CADPS: variants seen among roughly 807,000 people sequenced by gnomAD.
CADPS encodes the protein calcium-dependent secretion activator 1.
In CADPS, 57 loss-of-function variants were observed where a neutral mutation model predicts 167.3. The ratio of observed to expected loss-of-function variants is 0.34; its 90% CI spans 0.28 to 0.42. CADPS has a LOEUF of 0.42. CADPS is among the 20% of genes least tolerant of loss of function. The probability of loss-of-function intolerance (pLI) is 1.00; values close to 1 mark genes in which losing one functional copy is unlikely to be tolerated. For synonymous variants in CADPS, 676 were observed against 635.3 expected (o/e 1.06, Z -0.96); for missense variants, 1,414 against 1,738.1 (o/e 0.81, Z 3.32).
chr3:62,530,519 C>T (rs2073403227), intron 13 of CADPS: 1 of 457,306 alleles, frequency 2.2e-6, no homozygotes, highest in Non-Finnish European at 3.1e-6. Context: ...TTTAAAATTG[C>T]ACCTTTGAAA....
At chr3:62,740,728 A>C (rs1038328839) in intron 3 of CADPS, among the ~76,000 whole-genome samples, 1 of 152,092 alleles carries the variant, frequency 6.6e-6, no homozygotes, top group African/African-American at 2.4e-5. Context: ...CATGCCACTA[A>C]CTACCATCAC....
chr3:62,437,502 C>G (rs998195223), intron 28 of CADPS, among the ~76,000 whole-genome samples: 4 of 152,052 alleles, frequency 2.6e-5, no homozygotes, highest in African/African-American at 9.7e-5. Flanking sequence ...TCTTTGTACA[C>G]CTGTTTCTCA....
rs1560040443 is a variant in CADPS at position 62,873,616 on chromosome 3, C to CTTT, written c.441+972_441+973insAAA. Reference sequence around the variant, plus strand: ...AAAGAACAGCTGATAGAAATAGGCGCCTTTTTTTTTTTTTTTTTAACATCA... The same window carrying CTTT: ...AAAGAACAGCTGATAGAAATAGGCGCTTTCTTTTTTTTTTTTTTTTTAACATCA... On this transcript the variant is annotated intron_variant, in intron 1 of 29. Transcript: ENST00000383710. Among the ~76,000 whole-genome samples, 8 of 82,590 alleles carry CTTT rather than the reference C, an allele frequency of 9.7e-5. No homozygotes were observed. The East Asian group carries it at 1.9e-3, about 20-fold the overall frequency. 54.2% of individuals were successfully genotyped at this position (82,590 alleles called of 152,430 possible). A position where few individuals can be genotyped will look rare whatever the true frequency, so the allele number is the denominator to read the frequency against.
intron 6 of CADPS, among the ~76,000 whole-genome samples, chr3:62,642,156 A>T (rs972822667): frequency 1.3e-5 from 2 of 151,546 alleles, no homozygotes; most frequent in African/African-American, 4.8e-5. Context: ...GACATGTGCT[A>T]TGGCACAATG....
intron 9 of CADPS, among the ~76,000 whole-genome samples, chr3:62,566,316 G>C (rs833658): frequency 0.86 from 130,728 of 152,226 alleles, 57,004 homozygotes; most frequent in East Asian, 0.97. Context: ...CAAAGTAAGG[G>C]TTTGGTGGCT....
At chr3:62,666,509 G>A (rs897363065) in intron 3 of CADPS, among the ~76,000 whole-genome samples, 7 of 152,148 alleles carry the variant, frequency 4.6e-5, no homozygotes, top group Admixed American at 3.9e-4. Flanking sequence ...ACCAAGCCAA[G>A]GGCAAGCCTT....
At chr3:62,656,317 A>G (rs2071563116) in intron 4 of CADPS, among the ~76,000 whole-genome samples, 1 of 152,140 alleles carries the variant, frequency 6.6e-6, no homozygotes, top group Non-Finnish European at 1.5e-5. Context: ...GCTGGACACT[A>G]GGTGAAAACT....
At chr3:62,817,731 C>G (rs2094692985) in intron 1 of CADPS, among the ~76,000 whole-genome samples, 1 of 152,074 alleles carries the variant, frequency 6.6e-6, no homozygotes, top group Non-Finnish European at 1.5e-5. Flanking sequence ...AAGAAATTAC[C>G]TAGTAGAAAG....
chr3:62,711,937 C>T (rs1231902751), intron 3 of CADPS, among the ~76,000 whole-genome samples: 1 of 152,094 alleles, frequency 6.6e-6, no homozygotes, highest in Non-Finnish European at 1.5e-5. Context: ...CCTTCTAAAA[C>T]ATCTAGAAAT....
At chr3:62,777,006 G>A (rs2090466004) in intron 1 of CADPS, among the ~76,000 whole-genome samples, 1 of 152,122 alleles carries the variant, frequency 6.6e-6, no homozygotes, top group African/African-American at 2.4e-5. Flanking sequence ...CAAGGATTAG[G>A]GGCGGCTGTG....
chr3:62,736,211 T>C (rs1429501062), intron 3 of CADPS, among the ~76,000 whole-genome samples: 3 of 152,210 alleles, frequency 2.0e-5, no homozygotes, highest in Non-Finnish European at 2.9e-5. Context: ...CTTGCTTTGT[T>C]GTAGAGCTGT....
intron 3 of CADPS, among the ~76,000 whole-genome samples, chr3:62,667,157 T>C (rs1226033668): frequency 6.6e-6 from 1 of 151,980 alleles, no homozygotes; most frequent in Non-Finnish European, 1.5e-5. Flanking sequence ...TGGCATGTTA[T>C]GAGGATTAAG....
intron 3 of CADPS, among the ~76,000 whole-genome samples, chr3:62,748,326 A>G (rs1486369188): frequency 8.4e-6 from 1 of 119,384 alleles, no homozygotes; most frequent in African/African-American, 3.2e-5. Flanking sequence ...AGCCTGGGCG[A>G]GAAGCGAGAC....
intron 1 of CADPS, among the ~76,000 whole-genome samples, chr3:62,781,221 T>A (rs1022753858): frequency 6.6e-6 from 1 of 152,134 alleles, no homozygotes; most frequent in Non-Finnish European, 1.5e-5. Flanking sequence ...CTCTCAGGAA[T>A]GTTTGCTACC....
intron 28 of CADPS, among the ~76,000 whole-genome samples, chr3:62,405,904 A>T (rs950628435): frequency 6.6e-6 from 1 of 152,160 alleles, no homozygotes. Flanking sequence ...TGTCGGAAAA[A>T]ACAGGAGGCA....
chr3:62,775,807 T>C (rs1004506944), intron 1 of CADPS, among the ~76,000 whole-genome samples: 4 of 152,208 alleles, frequency 2.6e-5, no homozygotes, highest in Non-Finnish European at 5.9e-5. Flanking sequence ...TTTCACTGTA[T>C]AGAATATTAA....
chr3:62,444,166 C>A (rs1183365128), intron 27 of CADPS, among the ~76,000 whole-genome samples: 1 of 152,186 alleles, frequency 6.6e-6, no homozygotes, highest in Non-Finnish European at 1.5e-5. Flanking sequence ...CTGGATCCTA[C>A]AGAGAATAGA....
chr3:62,802,464 C>T (rs560290528), intron 1 of CADPS, among the ~76,000 whole-genome samples: 1 of 152,282 alleles, frequency 6.6e-6, no homozygotes, highest in Admixed American at 6.5e-5. Flanking sequence ...CCACTCACCC[C>T]TCTTCAAGAT....
At chr3:62,773,313 TTTATA>T (rs1677785070) in intron 1 of CADPS, among the ~76,000 whole-genome samples, 1 of 152,150 alleles carries the variant, frequency 6.6e-6, no homozygotes, top group African/African-American at 2.4e-5. Context: ...CTTCTCACCT[TTTATA>T]TTATATATGT....
Sources: allele counts gnomAD v4.1 joint callset (sites outside exome capture counted in the v4.1 genomes callset), GRCh38; gene constraint gnomAD v4.1.1; transcripts MANE v1.5; gene names NCBI Gene and HGNC (gene_info 2026-07-23, HGNC 2026-07-21).